Variants in ZNF445 observed in about 807,000 individuals in gnomAD.
ZNF445 encodes the protein zinc finger protein 168.
In ZNF445, 19 loss-of-function variants were observed where a neutral mutation model predicts 93.9. The observed-to-expected ratio is 0.20, with a 90% CI of 0.14 to 0.30. The LOEUF is 0.30. Among genes scored for constraint, ZNF445 ranks in the 10% least tolerant of loss-of-function variants. The pLI is 1.00. For synonymous variants in ZNF445, 449 were observed against 446.3 expected, an observed-to-expected ratio of 1.01 and a Z score of -0.08; for missense variants, 1,058 against 1,259.4, an observed-to-expected ratio of 0.84 and a Z score of 2.42.
chr3:44,474,746 G>C (rs1195899048), intron 1 of ZNF445, among the ~76,000 whole-genome samples: 1 of 152,172 alleles, frequency 6.6e-6, no homozygotes, highest in African/African-American at 2.4e-5. Flanking sequence ...TTTTAATTTT[G>C]ATGAACGTAC....
Position 44,455,439 on chromosome 3 carries a change from T to C in ZNF445, c.111A>G (p.Pro37=), listed in dbSNP as rs1441532576. ...GAGTCTGTGGCCTGGCAGCCTGCAC[T>C]GGAGTATAGCTTTCATCCTCTTCTT... is the stretch of plus-strand genomic sequence containing the variant. The part of the protein sequence containing the change: ...KKEEEDESYT[P]VQAARPQTLN... The change falls in exon 3 of 8, where the codon CCA becomes CCG. Residue 37 remains proline (P), a synonymous_variant. Transcript: ENST00000396077. 1.2e-6 allele frequency: 2 copies of C among 1,614,216 alleles called. No individual in the cohort carries two copies. The highest frequency in any genetic ancestry group is 8.5e-7 in the Non-Finnish European group (1 of 1,180,040).
rs1164495523 is a variant in ZNF445 at position 44,432,583 on chromosome 3, G to A, written c.*13992C>T. ...TTATGTTCTCCTCAGGTCTTCAGGT[G>A]ATTGGATGAAGCCCACCCACAGATA... On this transcript the variant is annotated 3_prime_UTR_variant, in exon 8 of 8. Coordinates refer to ENST00000396077, the MANE Select transcript of ZNF445 (RefSeq NM_181489.6). The A allele has an allele frequency of 6.6e-6, 1 of 152,172 alleles. No homozygotes were observed. Among genetic ancestry groups the A allele is most frequent in the Non-Finnish European group, 1.5e-5 (1 of 68,062 alleles). 9.4% of individuals were successfully genotyped at this position (152,172 alleles called of 1,614,324 possible).
rs917261412 is a variant in ZNF445 at position 44,437,428 on chromosome 3, C to T, written c.*9147G>A. ...CAGGAAAGGGGTCCCGATCCAGACT[C>T]TTAAGAGAGTTCTTGGATCTCGTGC... is the stretch of plus-strand genomic sequence containing the variant. On this transcript the variant is annotated 3_prime_UTR_variant, in exon 8 of 8. Transcript: ENST00000396077. The T allele has an allele frequency of 3.3e-5, 5 of 151,566 alleles. No individual in the cohort carries two copies. Among genetic ancestry groups the T allele is most frequent in the Non-Finnish European group, 7.4e-5 (5 of 67,844 alleles). The allele number at this position is 151,566 out of a possible 1,614,324, so 9.4% of individuals were successfully genotyped here.
chr3:44,475,055 G>T (rs1486022084), intron 1 of ZNF445, among the ~76,000 whole-genome samples: 1 of 152,108 alleles, frequency 6.6e-6, no homozygotes, highest in Non-Finnish European at 1.5e-5. Flanking sequence ...AGTGAGCTGA[G>T]ATCATGCCAC....
At position 44,433,903 on chromosome 3, in the gene ZNF445, G is replaced by A. The variant is rs79501043; in HGVS notation, c.*12672C>T. ...TAGCCGGTCCTGATCAGGTCTCAAGGCAGCCCTGGACTTTGGAAGGCAGCA... is the reference window on the plus strand; with the variant it reads ...TAGCCGGTCCTGATCAGGTCTCAAGACAGCCCTGGACTTTGGAAGGCAGCA... On this transcript the variant is annotated 3_prime_UTR_variant, in exon 8 of 8. Transcript: ENST00000396077. 0.11 allele frequency: 16,115 copies of A among 152,282 alleles called. 1,067 individuals carry two copies. Among genetic ancestry groups the A allele is most frequent in the South Asian group, 0.16 (771 of 4,822 alleles). 9.4% of individuals were successfully genotyped at this position (152,282 alleles called of 1,614,324 possible).
intron 1 of ZNF445, among the ~76,000 whole-genome samples, chr3:44,469,991 G>C (rs9874590): frequency 0.01 from 1,545 of 152,114 alleles, 23 homozygotes; most frequent in African/African-American, 0.036. Context: ...GCAGTAGCAC[G>C]ATCACAGCTC....
Position 44,446,883 on chromosome 3 carries a change from C to T in ZNF445, c.2788G>A (p.Ala930Thr). Reference sequence around the variant, plus strand: ...TTTGTGTCCTGAGAGGAAGACCGTGCAGGCGGGCTACGTTCAGCCTGTGCT... The same window carrying T: ...TTTGTGTCCTGAGAGGAAGACCGTGTAGGCGGGCTACGTTCAGCCTGTGCT... ...RAAQAERSPP[A>T]RSSSQDTKLR... is the part of the protein sequence containing the mutation. The change falls in exon 8 of 8, where the codon GCA becomes ACA. Residue 930 changes from alanine to threonine, a missense_variant. Coordinates refer to ENST00000396077, the MANE Select transcript of ZNF445 (RefSeq NM_181489.6). The surrounding 1 kb of genome is among the most constrained non-coding windows in gnomAD (Gnocchi z 4.2). The T allele has an allele frequency of 1.9e-6, 3 of 1,614,200 alleles. No individual in the cohort carries two copies. Among genetic ancestry groups the T allele is most frequent in the Non-Finnish European group, 2.5e-6 (3 of 1,180,044 alleles).
At chr3:44,473,981 T>C (rs1214136493) in intron 1 of ZNF445, among the ~76,000 whole-genome samples, 4 of 152,182 alleles carry the variant, frequency 2.6e-5, no homozygotes, top group African/African-American at 9.7e-5. Context: ...AATGAATGCC[T>C]AGAAGGAATG....
intron 1 of ZNF445, among the ~76,000 whole-genome samples, chr3:44,477,059 G>A (rs1279864457): frequency 6.6e-6 from 1 of 152,114 alleles, no homozygotes; most frequent in Non-Finnish European, 1.5e-5. Context: ...CTTCCAAATG[G>A]TTAAATGGTA....
At position 44,446,631 on chromosome 3, in the gene ZNF445, T is replaced by A. The variant is rs1199374343; in HGVS notation, c.3040A>T (p.Thr1014Ser). 1 of 1,614,220 alleles carries A rather than the reference T, an allele frequency of 6.2e-7. No homozygotes were observed. The highest frequency in any genetic ancestry group is 2.2e-5 in the East Asian group (1 of 44,886). The stretch of plus-strand genomic sequence containing the variant: ...GCCAGGTTCGAAGACCACCTGAAGG[T>A]CTTTCCACACTTGCTGCATTTGAAG... ...RPFKCSKCGK[T>S]FRWSSNLARH... is the part of the protein sequence containing the mutation. The change falls in exon 8 of 8, where the codon ACC (threonine) becomes TCC (serine). Residue 1014 changes from threonine to serine, a missense_variant. This residue lies in a region of ZNF445 where 387 missense variants were observed against 475.7 expected (regional missense o/e 0.81). Coordinates refer to ENST00000396077, the MANE Select transcript of ZNF445 (RefSeq NM_181489.6). The surrounding 1 kb of genome is among the most constrained non-coding windows in gnomAD (Gnocchi z 4.2).
At position 44,431,792 on chromosome 3, in the gene ZNF445, G is replaced by T. The variant is rs760717996; in HGVS notation, c.*14783C>A. 1 of 152,226 alleles carries T rather than the reference G, an allele frequency of 6.6e-6. No homozygotes were observed. The highest frequency in any genetic ancestry group is 2.1e-4 in the South Asian group (1 of 4,824). 9.4% of individuals were successfully genotyped at this position (152,226 alleles called of 1,614,324 possible). On this transcript the variant is annotated 3_prime_UTR_variant, in exon 8 of 8. Transcript: ENST00000396077. ...CAGGCAAAAGTAAACCATATTTAAA[G>T]ATGTCTATAACAGTGGTAAATACTG...
intron 1 of ZNF445, among the ~76,000 whole-genome samples, chr3:44,466,895 T>C (rs958898213): frequency 2.0e-5 from 3 of 152,242 alleles, no homozygotes; most frequent in Admixed American, 6.5e-5. Flanking sequence ...ATAATTGTTA[T>C]GTAAAATTGC....
rs1454724642 is a variant in ZNF445, at chr3:44,444,404, AC to A, written c.*2170del. On this transcript the variant is annotated 3_prime_UTR_variant, in exon 8 of 8. Coordinates refer to ENST00000396077, the MANE Select transcript of ZNF445 (RefSeq NM_181489.6). ...TCAGGTAGCACAGCCAAGCACTCTA[AC>A]TTCACACATAAGGAAATTGATGCAG... 1.3e-5 allele frequency: 2 copies of A among 152,148 alleles called. No individual in the cohort carries two copies. The highest frequency in any genetic ancestry group is 4.8e-5 in the African/African-American group (2 of 41,430). The allele number at this position is 152,148 out of a possible 1,614,324, so 9.4% of individuals were successfully genotyped here.
intron 1 of ZNF445, among the ~76,000 whole-genome samples, chr3:44,469,614 C>T (rs973372706): frequency 6.6e-6 from 1 of 151,796 alleles, no homozygotes; most frequent in Non-Finnish European, 1.5e-5. Context: ...ATTAAAAATA[C>T]AAAAATTAGC....
At chr3:44,456,893 C>A (rs373098888) in intron 2 of ZNF445, among the ~76,000 whole-genome samples, 157 of 152,184 alleles carry the variant, frequency 1.0e-3, no homozygotes, top group African/African-American at 3.6e-3. Context: ...TTTGGGAGGC[C>A]GAAGTGGGCG....
chr3:44,453,945 C>T (rs1697989883), intron 3 of ZNF445, among the ~76,000 whole-genome samples: 1 of 152,132 alleles, frequency 6.6e-6, no homozygotes, highest in Non-Finnish European at 1.5e-5. Flanking sequence ...TTTCTCAGCC[C>T]AGCTCTGCCC....
chr3:44,468,036 T>A (rs1404296862), intron 1 of ZNF445, among the ~76,000 whole-genome samples: 2 of 152,156 alleles, frequency 1.3e-5, no homozygotes, highest in Non-Finnish European at 2.9e-5. Flanking sequence ...AAATTACAGA[T>A]GAAAATACTA....
In ZNF445 at chr3:44,450,960, T is replaced by C; in HGVS notation, c.601A>G (p.Thr201Ala). ...AGGGCAGGCATCTGGGCAGCAGGAG[T>C]ATCTGAAGGAGAAAAAGCCATGAGA... is the stretch of plus-strand genomic sequence containing the variant. ...ARDFLAGQSD[T>A]PAAQMPALFP... Residue 201 changes from threonine (T) to alanine (A), a missense_variant and splice_region_variant, in exon 5 of 8, where the codon ACT (threonine) becomes GCT (alanine). Thr to Ala is a moderately conservative substitution (Grantham distance 58). Coordinates refer to ENST00000396077, the MANE Select transcript of ZNF445 (RefSeq NM_181489.6). 1.3e-6 allele frequency: 2 copies of C among 1,585,094 alleles called. No homozygotes were observed. Among genetic ancestry groups the C allele is most frequent in the Non-Finnish European group, 1.7e-6 (2 of 1,166,708 alleles).
chr3:44,434,973 G>A lies in ZNF445; in HGVS notation c.*11602C>T, dbSNP rs1697646997. 1 of 151,994 alleles carries A rather than the reference G, an allele frequency of 6.6e-6. No homozygotes were observed. Among genetic ancestry groups the A allele is most frequent in the Non-Finnish European group, 1.5e-5 (1 of 67,998 alleles). 9.4% of individuals were successfully genotyped at this position (151,994 alleles called of 1,614,324 possible). ...CAACCACTTATTTTTCAGGAACTTG[G>A]GGCAGATCCTGTCCAGTTCAAACCA... is the stretch of plus-strand genomic sequence containing the variant. On this transcript the variant is annotated 3_prime_UTR_variant, in exon 8 of 8. Coordinates refer to ENST00000396077, the MANE Select transcript of ZNF445 (RefSeq NM_181489.6).
Sources: allele counts gnomAD v4.1 joint callset (sites outside exome capture counted in the v4.1 genomes callset), GRCh38; gene constraint gnomAD v4.1.1; regional missense constraint gnomAD v4.1.1; non-coding constraint Gnocchi (gnomAD v3.1); transcripts MANE v1.5; gene names NCBI Gene and HGNC (gene_info 2026-07-23, HGNC 2026-07-21).